The following ZNF266 variants were observed in gnomAD, a reference collection of about 807,000 sequenced individuals.
ZNF266 encodes the protein zinc finger protein 1.
In ZNF266, 16 loss-of-function variants were observed where a neutral mutation model predicts 16.4. The ratio of observed to expected loss-of-function variants is 0.98; its 90% confidence interval spans 0.66 to 1.48. The LOEUF is 1.48. Among genes scored for constraint, ZNF266 ranks in the 40% most tolerant of loss-of-function variants. ZNF266 has a pLI of 0.00. For missense variants in ZNF266, 738 were observed against 689.1 expected (o/e 1.07, Z -0.79); for synonymous variants, 262 against 237.9 (o/e 1.10, Z -0.93).
intron 5 of ZNF266, among the ~76,000 whole-genome samples, chr19:9,423,495 A>C (rs2070239083): frequency 6.6e-6 from 1 of 152,236 alleles, no homozygotes; most frequent in Non-Finnish European, 1.5e-5. Flanking sequence ...CATGTCCTTG[A>C]AATCAACTGG....
rs202002248 is a variant in ZNF266 at position 9,415,758 on chromosome 19, A to G, written c.317-16T>C. 2.5e-6 allele frequency: 4 copies of G among 1,606,132 alleles called. No homozygotes were observed. The highest frequency in any genetic ancestry group is 3.4e-6 in the Non-Finnish European group (4 of 1,173,650). On this transcript the variant is annotated splice_polypyrimidine_tract_variant and intron_variant, in intron 9 of 10. Transcript: ENST00000592904. ...CATTCTGAAGCTGAAGAGAAAAAGAAATGTAAGGGTTTGGAGACATACAGG... is the reference window on the plus strand; with the variant it reads ...CATTCTGAAGCTGAAGAGAAAAAGAGATGTAAGGGTTTGGAGACATACAGG...
intron 5 of ZNF266, among the ~76,000 whole-genome samples, chr19:9,432,798 T>A (rs1043787035): frequency 6.7e-6 from 1 of 149,592 alleles, no homozygotes; most frequent in African/African-American, 2.5e-5. Flanking sequence ...TTAAAACAAA[T>A]AAATGCTTCC....
Position 9,416,663 on chromosome 19 carries a change from CTTTTTTTTTTTTT to C in ZNF266, c.317-934_317-922del, listed in dbSNP as rs368700653. ...ACAGACGTGAGCCACCGTGCCAGGC[CTTTTTTTTTTTTT>C]TTTTTTTTTTTTTGAGACAGAGTCT... On this transcript the variant is annotated intron_variant, in intron 9 of 10. Coordinates refer to ENST00000592904, the MANE Select transcript of ZNF266 (RefSeq NM_001370374.1). Among the ~76,000 whole-genome samples, 5 of 56,946 alleles carry C rather than the reference CTTTTTTTTTTTTT, an allele frequency of 8.8e-5. No individual in the cohort carries two copies. The East Asian group carries it at 2.3e-3, about 26-fold the overall frequency. 37.4% of individuals were successfully genotyped at this position (56,946 alleles called of 152,430 possible). A position where few individuals can be genotyped will look rare whatever the true frequency, so the allele number is the denominator to read the frequency against.
chr19:9,427,320 T>A (rs980961142), intron 5 of ZNF266, among the ~76,000 whole-genome samples: 8 of 151,944 alleles, frequency 5.3e-5, no homozygotes, highest in African/African-American at 1.7e-4. Flanking sequence ...ACCAACATGT[T>A]TGTTTGTTTT....
In ZNF266 at chr19:9,413,282, G is replaced by A. The variant is rs1568397087; in HGVS notation, c.1844C>T (p.Ser615Leu). 6.3e-7 allele frequency: 1 copy of A among 1,580,710 alleles called. No individual in the cohort carries two copies. The highest frequency in any genetic ancestry group is 2.2e-5 in the East Asian group (1 of 44,644). ...TAGGTTTTCCCACATTCCTTATGCT[G>A]ACAGTCTCTCATCCGCATGCCTTCT... is the stretch of plus-strand genomic sequence containing the variant. ...HERRHADERL[S>L]A The change falls in exon 11 of 11, where the codon TCA becomes TTA. Residue 615 changes from serine (S) to leucine (L), a missense_variant. Transcript: ENST00000592904.
rs939022263 is a variant in ZNF266, at chr19:9,413,156, GTTCA to G, written c.*115_*118del. ...TCTTCTCCACTGTGAATTCATATGT[GTTCA>G]TTAAGACCTGAGATACAAAGTTGCT... On this transcript the variant is annotated 3_prime_UTR_variant, in exon 11 of 11. Coordinates refer to ENST00000592904, the MANE Select transcript of ZNF266 (RefSeq NM_001370374.1). 9.4e-6 allele frequency: 12 copies of G among 1,276,304 alleles called. No individual in the cohort carries two copies. The highest frequency in any genetic ancestry group is 3.0e-5 in the African/African-American group (2 of 67,010). 79.1% of individuals were successfully genotyped at this position (1,276,304 alleles called of 1,614,324 possible).
At chr19:9,416,539 T>C (rs2122847600) in intron 9 of ZNF266, among the ~76,000 whole-genome samples, 1 of 151,014 alleles carries the variant, frequency 6.6e-6, no homozygotes, top group East Asian at 1.9e-4. Flanking sequence ...AATTTTTGCA[T>C]TTTTAGTAGA....
chr19:9,431,570 C>A (rs1464516499), intron 5 of ZNF266, among the ~76,000 whole-genome samples: 1 of 152,198 alleles, frequency 6.6e-6, no homozygotes, highest in Admixed American at 6.5e-5. Flanking sequence ...TGTGAGTGTG[C>A]CCCAGAGGTG....
chr19:9,415,716 T>C lies in ZNF266; in HGVS notation c.343A>G (p.Thr115Ala), dbSNP rs1156261743. ...TCCTGCTGAAGGGCTAACTCTTTGG[T>C]TTTAAGTTGCACTTTCCATTCTGAA... is the stretch of plus-strand genomic sequence containing the variant. ...QASEWKVQLK[T>A]KELALQQDVL... is the part of the protein sequence containing the mutation. The change falls in exon 10 of 11, where the codon ACC (threonine) becomes GCC (alanine). Residue 115 changes from threonine to alanine, a missense_variant. Coordinates refer to ENST00000592904, the MANE Select transcript of ZNF266 (RefSeq NM_001370374.1). The C allele has an allele frequency of 1.2e-6, 2 of 1,613,094 alleles. No individual in the cohort carries two copies. Among genetic ancestry groups the C allele is most frequent in the Non-Finnish European group, 1.7e-6 (2 of 1,179,354 alleles).
chr19:9,428,264 C>T (rs2071061251), intron 5 of ZNF266, among the ~76,000 whole-genome samples: 1 of 152,216 alleles, frequency 6.6e-6, no homozygotes, highest in Non-Finnish European at 1.5e-5. Flanking sequence ...CCCCCATAAG[C>T]TCTGCCTGGC....
rs781699191 is a variant in ZNF266, at chr19:9,418,581, C to T, written c.159G>A (p.Trp53Ter). ...DLAVDFTPEE[W>*]TLLDPTQRNL... ...TTCTCTGAGTTGGGTCCAGTAAAGT[C>T]CATTCTTCTGGGGTGAAGTCCACAG... The change falls in exon 8 of 11, where the codon TGG becomes TGA. Residue 53 changes from tryptophan to a stop codon, truncating the protein, a stop_gained. Transcript: ENST00000592904. LOFTEE classifies it high-confidence loss of function. The T allele has an allele frequency of 8.7e-6, 14 of 1,607,838 alleles. No individual in the cohort carries two copies. Among genetic ancestry groups the T allele is most frequent in the Non-Finnish European group, 1.2e-5 (14 of 1,174,348 alleles).
At chr19:9,424,363 T>C (rs2070410417) in intron 5 of ZNF266, among the ~76,000 whole-genome samples, 1 of 152,224 alleles carries the variant, frequency 6.6e-6, no homozygotes, top group Non-Finnish European at 1.5e-5. Context: ...CGAGTACTTC[T>C]ATACTCCATA....
At position 9,434,593 on chromosome 19, in the gene ZNF266, A is replaced by G. The variant is rs570928608; in HGVS notation, c.-410+205T>C. Reference sequence around the variant, plus strand: ...AGAGACTAAAAGACATGAAACTTGGATACGTAATAGATCCCAAAACAATCA... The same window carrying G: ...AGAGACTAAAAGACATGAAACTTGGGTACGTAATAGATCCCAAAACAATCA... On this transcript the variant is annotated intron_variant, in intron 3 of 10. Coordinates refer to ENST00000592904, the MANE Select transcript of ZNF266 (RefSeq NM_001370374.1). Among the ~76,000 whole-genome samples the G allele has an allele frequency of 9.2e-5, 14 of 152,326 alleles. No homozygotes were observed. In the East Asian group the frequency reaches 2.3e-3, roughly 25 times the overall value.
intron 8 of ZNF266, among the ~76,000 whole-genome samples, chr19:9,418,201 C>A (rs764420620): frequency 4.6e-5 from 7 of 152,150 alleles, no homozygotes; most frequent in Non-Finnish European, 7.3e-5. Context: ...TCTCATTCTT[C>A]AACATTATAG....
In ZNF266 at chr19:9,414,678, A is replaced by C; in HGVS notation, c.448T>G (p.Cys150Gly). 3.1e-6 allele frequency: 5 copies of C among 1,589,088 alleles called. No homozygotes were observed. In the Admixed American group the frequency reaches 8.5e-5, roughly 27 times the overall value. Residue 150 changes from cysteine to glycine, a missense_variant, in exon 11 of 11, where the codon TGT (cysteine) becomes GGT (glycine). Coordinates refer to ENST00000592904, the MANE Select transcript of ZNF266 (RefSeq NM_001370374.1). ...GAGTGTTCACTGGAGACATCTCCAC[A>C]TTGCTTAACATCACTGACCTCCCCT... ...NGGEVSDVKQ[C>G]GDVSSEHSCL...
In ZNF266 at chr19:9,435,316, C is replaced by G. The variant is rs868257016; in HGVS notation, c.-590G>C. ...CCCGAAACGGCTCCTGGCCCAGGGC[C>G]GTCGCAGTGACAACTCGAGTGGCTT... On this transcript the variant is annotated 5_prime_UTR_variant, in exon 1 of 11. Transcript: ENST00000592904. 2.6e-5 allele frequency: 4 copies of G among 152,226 alleles called. No individual in the cohort carries two copies. The highest frequency in any genetic ancestry group is 4.4e-5 in the Non-Finnish European group (3 of 68,054). 9.4% of individuals were successfully genotyped at this position (152,226 alleles called of 1,614,324 possible). A position where few individuals can be genotyped will look rare whatever the true frequency, so the allele number is the denominator to read the frequency against.
In ZNF266 at chr19:9,414,436, T is replaced by C. The variant is rs754449319; in HGVS notation, c.690A>G (p.Lys230=). The C allele has an allele frequency of 4.3e-6, 7 of 1,614,188 alleles. No individual in the cohort carries two copies. Among genetic ancestry groups the C allele is most frequent in the Non-Finnish European group, 4.2e-6 (5 of 1,180,038 alleles). ...GAAGGTGTGAATGATTAATGAAGGA[T>C]TTCCCAGAGTCACTGCAATCAAAAG... ...EKAFDCSDSG[K]SFINHSHLQG... is the part of the protein sequence containing the mutation. Residue 230 remains lysine (K), a synonymous_variant, in exon 11 of 11, where the codon AAA becomes AAG. Transcript: ENST00000592904.
rs547827734 is a variant in ZNF266, at chr19:9,416,377, T to C, written c.317-635A>G. ...GTTTTTGTTTTTTGTTTTTTTTTTT[T>C]TTTGAGAAAGACTTTCACTCTTGTC... On this transcript the variant is annotated intron_variant, in intron 9 of 10. Transcript: ENST00000592904. Among the ~76,000 whole-genome samples the C allele has an allele frequency of 1.2e-3, 180 of 148,196 alleles. 1 individual carries two copies. Among genetic ancestry groups the C allele is most frequent in the African/African-American group, 4.1e-3 (164 of 39,946 alleles).
chr19:9,424,497 G>C (rs1163654201), intron 5 of ZNF266, among the ~76,000 whole-genome samples: 1 of 152,190 alleles, frequency 6.6e-6, no homozygotes, highest in East Asian at 1.9e-4. Flanking sequence ...AGGTTCAAGT[G>C]GAGGGCAGGG....
Sources: gnomAD v4.1 joint callset for allele counts (sites outside exome capture counted in the v4.1 genomes callset) on GRCh38, gnomAD v4.1.1 for gene constraint, MANE v1.5 for transcripts, NCBI Gene and HGNC (gene_info 2026-07-23, HGNC 2026-07-21) for gene names.